The following RPN2 variants were observed in gnomAD, a reference collection of about 807,000 sequenced individuals.
The protein encoded by RPN2 is ribophorin II.
In RPN2, 29 loss-of-function variants were observed where a neutral mutation model predicts 71.4. That is an observed-to-expected ratio of 0.41 (90% CI 0.30 to 0.55). RPN2 has a LOEUF of 0.55. Ranked by LOEUF, RPN2 falls within the 20% of genes least tolerant of loss-of-function variation. The pLI is 0.35. For missense variants in RPN2, 726 were observed against 774.1 expected, an observed-to-expected ratio of 0.94 and a Z score of 0.74; for synonymous variants, 308 against 305.0, an observed-to-expected ratio of 1.01 and a Z score of -0.10.
intron 1 of RPN2, among the ~76,000 whole-genome samples, chr20:37,181,867 CTTTA>C (rs977411536): frequency 6.6e-6 from 1 of 151,846 alleles, no homozygotes; most frequent in Admixed American, 6.6e-5. Flanking sequence ...CTCTTCTGTA[CTTTA>C]TTTTTTTCCA....
intron 8 of RPN2, among the ~76,000 whole-genome samples, chr20:37,212,392 G>A (rs563366128): frequency 9.9e-5 from 15 of 152,158 alleles, no homozygotes; most frequent in South Asian, 6.2e-4. Flanking sequence ...CTTAAGACCA[G>A]TCTGGGCAAC....
At chr20:37,200,046 G>A (rs2067346694) in intron 4 of RPN2, among the ~76,000 whole-genome samples, 1 of 151,652 alleles carries the variant, frequency 6.6e-6, no homozygotes, top group African/African-American at 2.4e-5. Flanking sequence ...CCAGGCTAGA[G>A]TGCAGTGACG....
chr20:37,179,461 C>T (rs777314104), intron 1 of RPN2, 92 bp downstream of exon 1: 2 of 1,440,220 alleles, frequency 1.4e-6, no homozygotes, highest in South Asian at 1.4e-5. Flanking sequence ...GGATCCCCTT[C>T]CCCTGCGGGA....
chr20:37,228,785 G>A (rs2068153665), intron 12 of RPN2, 41 bp downstream of exon 12: 1 of 1,597,660 alleles, frequency 6.3e-7, no homozygotes, highest in Non-Finnish European at 8.6e-7. Flanking sequence ...GAGAGTGGCT[G>A]TGCCCCAGGC....
chr20:37,196,755 T>A (rs910382456), intron 2 of RPN2, among the ~76,000 whole-genome samples: 1 of 152,226 alleles, frequency 6.6e-6, no homozygotes, highest in African/African-American at 2.4e-5. Flanking sequence ...GCCAAAATAT[T>A]GGCAGTCTAT....
intron 12 of RPN2, among the ~76,000 whole-genome samples, chr20:37,229,659 G>T (rs979538443): frequency 2.0e-5 from 3 of 152,058 alleles, no homozygotes; most frequent in Non-Finnish European, 4.4e-5. Context: ...CACTTCCCAG[G>T]GACACCAAGC....
chr20:37,217,292 A>G (rs1048372217), intron 9 of RPN2, among the ~76,000 whole-genome samples: 3 of 149,184 alleles, frequency 2.0e-5, no homozygotes, highest in Non-Finnish European at 4.5e-5. Flanking sequence ...TATTATTATT[A>G]TTATTATTCT....
At chr20:37,221,016 C>G (rs1277862857) in intron 9 of RPN2, among the ~76,000 whole-genome samples, 1 of 152,180 alleles carries the variant, frequency 6.6e-6, no homozygotes, top group Non-Finnish European at 1.5e-5. Context: ...CTCCATGTAT[C>G]TGCATTGTCT....
chr20:37,187,545 A>G (rs1244148878), intron 2 of RPN2, among the ~76,000 whole-genome samples: 3 of 151,602 alleles, frequency 2.0e-5, no homozygotes, highest in African/African-American at 7.3e-5. Context: ...GTTTAATTAT[A>G]TTGTTGGGTT....
intron 8 of RPN2, among the ~76,000 whole-genome samples, chr20:37,210,367 C>T (rs2067628985): frequency 6.6e-6 from 1 of 152,084 alleles, no homozygotes; most frequent in Non-Finnish European, 1.5e-5. Context: ...CTAGTTGGCT[C>T]TGTCTTGTCA....
intron 15 of RPN2, among the ~76,000 whole-genome samples, chr20:37,235,140 T>G (rs1471207155): frequency 6.6e-6 from 1 of 152,066 alleles, no homozygotes; most frequent in Non-Finnish European, 1.5e-5. Flanking sequence ...TTGATCAGAT[T>G]ATTATGGTGC....
At position 37,238,281 on chromosome 20, in the gene RPN2, T is replaced by C. The variant is rs533311489; in HGVS notation, c.1883+1572T>C. 3.4e-5 allele frequency: 27 copies of C among 792,148 alleles called. No individual in the cohort carries two copies. The African/African-American group carries it at 3.7e-4, about 11-fold the overall frequency. The allele number at this position is 792,148 out of a possible 1,614,324, so 49.1% of individuals were successfully genotyped here. On this transcript the variant is annotated intron_variant, in intron 16 of 16. Coordinates refer to ENST00000237530, the MANE Select transcript of RPN2 (RefSeq NM_002951.5). ...TCTTTGTGAGTCCTAGAATGAACTC[T>C]ACCCTGGAAAAATCAGTGACCCTAA...
At chr20:37,224,031 C>A in intron 10 of RPN2, 62 bp downstream of exon 10, 1 of 1,399,026 alleles carries the variant, frequency 7.1e-7, no homozygotes, top group Non-Finnish European at 1.0e-6. Flanking sequence ...AGGAGTATGC[C>A]TAGGCACTGA....
At chr20:37,204,924 G>A in intron 6 of RPN2, 23 bp downstream of exon 6, 1 of 1,614,080 alleles carries the variant, frequency 6.2e-7, no homozygotes, top group South Asian at 1.1e-5. Flanking sequence ...CAATTTTCAG[G>A]CATGAAACCC....
intron 3 of RPN2, 135 bp from the exon 4 acceptor site, chr20:37,198,915 C>G: frequency 1.3e-6 from 1 of 776,744 alleles, no homozygotes; most frequent in Non-Finnish European, 2.3e-6. Context: ...ATCCTGGTGT[C>G]TGGGGATTAG....
intron 8 of RPN2, among the ~76,000 whole-genome samples, chr20:37,211,240 G>C (rs2067656427): frequency 6.6e-6 from 1 of 151,450 alleles, no homozygotes; most frequent in African/African-American, 2.4e-5. Context: ...TCACCATGTT[G>C]ACCAGGCTGG....
intron 9 of RPN2, among the ~76,000 whole-genome samples, chr20:37,215,048 C>T: frequency 6.6e-6 from 1 of 152,174 alleles, no homozygotes; most frequent in South Asian, 2.1e-4. Context: ...TTTATCATAA[C>T]ATGTTTATAA....
At chr20:37,181,641 A>C in intron 1 of RPN2, among the ~76,000 whole-genome samples, 1 of 150,108 alleles carries the variant, frequency 6.7e-6, no homozygotes, top group African/African-American at 2.4e-5. Flanking sequence ...TTTGTCTTGA[A>C]CTCCCGACCT....
chr20:37,213,724 C>T, intron 8 of RPN2, 36 bp from the exon 9 acceptor site: 1 of 1,493,484 alleles, frequency 6.7e-7, no homozygotes, highest in Non-Finnish European at 9.3e-7. Flanking sequence ...ACTTTCCTAC[C>T]TGAGTTCTTG....
Sources: gnomAD v4.1 joint callset for allele counts (sites outside exome capture counted in the v4.1 genomes callset) on GRCh38, gnomAD v4.1.1 for gene constraint, MANE v1.5 for transcripts, NCBI Gene and HGNC (gene_info 2026-07-23, HGNC 2026-07-21) for gene names.